Variants in FBXL7 observed in about 807,000 individuals in gnomAD.
FBXL7 encodes the protein F-box/LRR-repeat protein 7.
In FBXL7, 12 loss-of-function variants were observed where a neutral mutation model predicts 38.3. That is an observed-to-expected ratio of 0.31 (90% CI 0.20 to 0.51). The LOEUF is 0.51. Ranked by LOEUF, FBXL7 falls within the 20% of genes least tolerant of loss-of-function variation. The probability of loss-of-function intolerance (pLI) is 0.98; values close to 1 mark genes in which losing one functional copy is unlikely to be tolerated. For synonymous variants in FBXL7, 297 were observed against 300.9 expected, an observed-to-expected ratio of 0.99 and a Z score of 0.13; for missense variants, 567 against 676.4, an observed-to-expected ratio of 0.84 and a Z score of 1.79.
intron 2 of FBXL7, among the ~76,000 whole-genome samples, chr5:15,926,990 G>A (rs536124923): frequency 6.6e-6 from 1 of 151,436 alleles, no homozygotes; most frequent in South Asian, 2.1e-4. Flanking sequence ...TAATTAGGGA[G>A]GTAAATCAGT....
chr5:15,570,225 T>G (rs1738728818), intron 1 of FBXL7, among the ~76,000 whole-genome samples: 1 of 152,146 alleles, frequency 6.6e-6, no homozygotes, highest in Admixed American at 6.5e-5. Context: ...GGTCCTGGAC[T>G]TTTTTTGGTT....
chr5:15,612,740 T>C (rs1740291668), intron 1 of FBXL7, among the ~76,000 whole-genome samples: 1 of 152,214 alleles, frequency 6.6e-6, no homozygotes, highest in Non-Finnish European at 1.5e-5. Context: ...GAAGGCCACC[T>C]GATGCCATCT....
chr5:15,799,550 C>T (rs190729038), intron 2 of FBXL7, among the ~76,000 whole-genome samples: 18 of 151,998 alleles, frequency 1.2e-4, no homozygotes, highest in East Asian at 7.7e-4. Flanking sequence ...TTAGTAGAGA[C>T]GGGGTTTGTC....
intron 2 of FBXL7, among the ~76,000 whole-genome samples, chr5:15,927,453 C>T (rs1262404362): frequency 6.6e-6 from 1 of 152,014 alleles, no homozygotes; most frequent in Non-Finnish European, 1.5e-5. Flanking sequence ...AGAATGTTGC[C>T]CCCATGAATG....
intron 1 of FBXL7, among the ~76,000 whole-genome samples, chr5:15,577,504 G>A (rs1171660456): frequency 6.6e-6 from 1 of 152,052 alleles, no homozygotes; most frequent in Non-Finnish European, 1.5e-5. Flanking sequence ...GATATGTTCT[G>A]GGGGACACAA....
chr5:15,734,134 A>AT (rs1207393236), intron 2 of FBXL7, among the ~76,000 whole-genome samples: 2 of 115,642 alleles, frequency 1.7e-5, no homozygotes, highest in Non-Finnish European at 3.7e-5. Flanking sequence ...AAAAAAAAAA[A>AT]GCTTGTTAAT....
chr5:15,573,781 G>A (rs1738869562), intron 1 of FBXL7, among the ~76,000 whole-genome samples: 1 of 152,236 alleles, frequency 6.6e-6, no homozygotes, highest in Non-Finnish European at 1.5e-5. Flanking sequence ...GAGCATGAAT[G>A]TGAGGTCATC....
chr5:15,720,780 T>C (rs1309939726), intron 2 of FBXL7, among the ~76,000 whole-genome samples: 3 of 117,884 alleles, frequency 2.5e-5, no homozygotes, highest in African/African-American at 8.6e-5. Flanking sequence ...GAGTATAATA[T>C]GATGATAAAT....
intron 2 of FBXL7, among the ~76,000 whole-genome samples, chr5:15,921,916 A>G (rs1741752972): frequency 6.6e-6 from 1 of 152,182 alleles, no homozygotes; most frequent in South Asian, 2.1e-4. Context: ...GGAAAACAGT[A>G]TGGAGCTGTC....
At chr5:15,780,276 A>G (rs1239239961) in intron 2 of FBXL7, among the ~76,000 whole-genome samples, 1 of 152,152 alleles carries the variant, frequency 6.6e-6, no homozygotes, top group African/African-American at 2.4e-5. Context: ...AGTGAACTGA[A>G]GGAAACCATA....
intron 1 of FBXL7, among the ~76,000 whole-genome samples, chr5:15,565,822 C>G (rs1738556674): frequency 6.6e-6 from 1 of 152,092 alleles, no homozygotes; most frequent in South Asian, 2.1e-4. Flanking sequence ...GAAGCTCAGT[C>G]TTTTTCTTCT....
At chr5:15,563,343 C>T (rs1353056770) in intron 1 of FBXL7, among the ~76,000 whole-genome samples, 1 of 152,108 alleles carries the variant, frequency 6.6e-6, no homozygotes, top group African/African-American at 2.4e-5. Flanking sequence ...TAATTGCGCT[C>T]TGCTATTTAA....
intron 2 of FBXL7, among the ~76,000 whole-genome samples, chr5:15,809,275 T>C (rs1468299602): frequency 6.6e-6 from 1 of 152,200 alleles, no homozygotes; most frequent in Non-Finnish European, 1.5e-5. Flanking sequence ...GTCCATGCCT[T>C]TGAACTTGCA....
intron 2 of FBXL7, among the ~76,000 whole-genome samples, chr5:15,877,066 C>CT (rs1740240516): frequency 1.3e-5 from 2 of 152,186 alleles, no homozygotes; most frequent in African/African-American, 4.8e-5. Context: ...GGTCAGCTGG[C>CT]TTGTATCTGA....
chr5:15,580,648 A>G, intron 1 of FBXL7: 1 of 985,392 alleles, frequency 1.0e-6, no homozygotes, highest in Middle Eastern at 5.2e-4. Flanking sequence ...CCTGGGAGAA[A>G]ATATCAAAGG....
intron 2 of FBXL7, among the ~76,000 whole-genome samples, chr5:15,623,058 A>G (rs867235620): frequency 1.3e-5 from 2 of 152,198 alleles, no homozygotes; most frequent in Admixed American, 1.3e-4. Context: ...AGGTTGGTGC[A>G]GTATTGTTTC....
rs557472703 is a variant in FBXL7, at chr5:15,655,174, C to A, written c.127+39102C>A. ...ATGAAAATAAGCAAAGGTTACACTT[C>A]TTTCTGTGGTATCAGAAATGATGTA... On this transcript the variant is annotated intron_variant, in intron 2 of 3. Transcript: ENST00000504595. Among the ~76,000 whole-genome samples the A allele has an allele frequency of 3.3e-5, 5 of 152,284 alleles. No individual in the cohort carries two copies. The East Asian group carries it at 9.7e-4, about 29-fold the overall frequency.
At chr5:15,929,147 G>A (rs2126461457) in intron 3 of FBXL7, among the ~76,000 whole-genome samples, 1 of 152,270 alleles carries the variant, frequency 6.6e-6, no homozygotes, top group Admixed American at 6.5e-5. Context: ...GCCCACTGTG[G>A]GTGATAAAAC....
intron 2 of FBXL7, among the ~76,000 whole-genome samples, chr5:15,665,622 G>A (rs575815032): frequency 1.3e-5 from 2 of 152,200 alleles, no homozygotes; most frequent in Non-Finnish European, 2.9e-5. Flanking sequence ...AACAGACTAC[G>A]ATTTGTTTAT....
Sources: allele counts gnomAD v4.1 joint callset (sites outside exome capture counted in the v4.1 genomes callset), GRCh38; gene constraint gnomAD v4.1.1; transcripts MANE v1.5; gene names NCBI Gene and HGNC (gene_info 2026-07-23, HGNC 2026-07-21).